The following ZNF215 variants were observed in gnomAD, a reference collection of about 807,000 sequenced individuals.
ZNF215 encodes the protein zinc finger protein 215, also known as BWSCR2-associated zinc finger protein 2.
ZNF215 carries 24 observed loss-of-function variants against 27.2 expected under a neutral mutation model. The ratio of observed to expected loss-of-function variants is 0.88; its 90% CI spans 0.64 to 1.24. The LOEUF is 1.24. ZNF215 is among the 50% of genes most tolerant of loss of function. The pLI, the probability that ZNF215 is intolerant of heterozygous loss-of-function variation, is 0.00. For missense variants in ZNF215, 675 were observed against 605.7 expected (o/e 1.11, Z -1.20); for synonymous variants, 210 against 204.0 (o/e 1.03, Z -0.25).
At chr11:6,954,691 T>G (rs956773467) in intron 6 of ZNF215, among the ~76,000 whole-genome samples, 1 of 152,316 alleles carries the variant, frequency 6.6e-6, no homozygotes, top group Middle Eastern at 3.4e-3. Context: ...GCTTCCCGAG[T>G]GAAGCAATGC....
rs895872602 is a variant in ZNF215, at chr11:6,957,984, C to T, written c.*1453C>T. 2.0e-6 allele frequency: 2 copies of T among 985,318 alleles called. No homozygotes were observed. The highest frequency in any genetic ancestry group is 2.4e-6 in the Non-Finnish European group (2 of 829,910). The allele number at this position is 985,318 out of a possible 1,614,324, so 61.0% of individuals were successfully genotyped here. A position where few individuals can be genotyped will look rare whatever the true frequency, so the allele number is the denominator to read the frequency against. ...GGTAGCTTTTTGTGAAGGTTCATAC[C>T]TTATTCAAAGGCAGAAAAGGTATAC... is the stretch of plus-strand genomic sequence containing the variant. On this transcript the variant is annotated 3_prime_UTR_variant, in exon 7 of 7. Coordinates refer to ENST00000278319, the MANE Select transcript of ZNF215 (RefSeq NM_013250.4).
intron 5 of ZNF215, among the ~76,000 whole-genome samples, chr11:6,982,275 C>T (rs542931691): frequency 1.4e-3 from 220 of 152,040 alleles, no homozygotes; most frequent in Non-Finnish European, 1.3e-3. Context: ...GAGTGACCTA[C>T]AAAGAGACTT....
At chr11:6,939,856 A>G (rs948252389) in intron 3 of ZNF215, among the ~76,000 whole-genome samples, 30 of 152,250 alleles carry the variant, frequency 2.0e-4, no homozygotes, top group Admixed American at 1.4e-3. Context: ...AGAACAAGGA[A>G]CAACATTGTA....
downstream of ZNF215, among the ~76,000 whole-genome samples, chr11:6,960,247 C>G (rs1217992702): frequency 6.6e-6 from 1 of 152,014 alleles, no homozygotes; most frequent in South Asian, 2.1e-4. Context: ...TCTGGAGGGC[C>G]AACTTGACAA....
At chr11:6,954,514 A>G (rs1201099761) in intron 6 of ZNF215, among the ~76,000 whole-genome samples, 10 of 151,780 alleles carry the variant, frequency 6.6e-5, no homozygotes, top group Admixed American at 6.6e-4. Context: ...AGTCAGGGAG[A>G]CTCCGTGGGT....
intron 3 of ZNF215, among the ~76,000 whole-genome samples, chr11:6,933,589 C>A (rs2133163858): frequency 6.6e-6 from 1 of 152,012 alleles, no homozygotes; most frequent in Middle Eastern, 3.4e-3. Flanking sequence ...AGATCGAGAC[C>A]ATCCTGGCTA....
intron 2 of ZNF215, among the ~76,000 whole-genome samples, chr11:6,928,775 T>C (rs928832522): frequency 6.6e-6 from 1 of 152,214 alleles, no homozygotes; most frequent in African/African-American, 2.4e-5. Flanking sequence ...GGGCCCATAG[T>C]TCATTTTTTT....
At chr11:6,936,521 A>T (rs1450563414) in intron 3 of ZNF215, among the ~76,000 whole-genome samples, 1 of 152,092 alleles carries the variant, frequency 6.6e-6, no homozygotes, top group African/African-American at 2.4e-5. Context: ...AAGAAAACTC[A>T]AAGATGATAT....
At chr11:6,985,115 A>G (rs1193093481), downstream of ZNF215, among the ~76,000 whole-genome samples, 1 of 152,162 alleles carries the variant, frequency 6.6e-6, no homozygotes, top group Non-Finnish European at 1.5e-5. Context: ...CTTCAGACCA[A>G]TGTCCCTGAT....
chr11:6,952,689 A>G (rs540600191), intron 6 of ZNF215, among the ~76,000 whole-genome samples: 114 of 152,148 alleles, frequency 7.5e-4, no homozygotes, highest in Middle Eastern at 3.4e-3. Flanking sequence ...TCTTTATCCA[A>G]TTTGCCAGTC....
chr11:6,953,355 G>A (rs564113383), intron 6 of ZNF215, among the ~76,000 whole-genome samples: 15 of 152,228 alleles, frequency 9.9e-5, no homozygotes, highest in South Asian at 2.1e-4. Context: ...CATTTTCCCC[G>A]TCACTTTCAG....
chr11:6,932,267 A>T lies in ZNF215; in HGVS notation c.-6A>T. 6.2e-7 allele frequency: 1 copy of T among 1,611,666 alleles called. No homozygotes were observed. Among genetic ancestry groups the T allele is most frequent in the Non-Finnish European group, 8.5e-7 (1 of 1,178,904 alleles). ...TTGAACTACTGTGGGAGTTCTATTT[A>T]GGAAGATGCAGCCTCTGAGCAAGTT... is the stretch of plus-strand genomic sequence containing the variant. On this transcript the variant is annotated 5_prime_UTR_variant, in exon 3 of 7. Coordinates refer to ENST00000278319, the MANE Select transcript of ZNF215 (RefSeq NM_013250.4).
chr11:6,986,514 A>G (rs1459505737), downstream of ZNF215, among the ~76,000 whole-genome samples: 1 of 152,018 alleles, frequency 6.6e-6, no homozygotes, highest in Non-Finnish European at 1.5e-5. Context: ...CCAAAAACTG[A>G]CAAGTGGAAC....
intron 6 of ZNF215, among the ~76,000 whole-genome samples, chr11:6,949,260 T>A (rs1369041441): frequency 7.8e-4 from 119 of 152,234 alleles, no homozygotes; most frequent in African/African-American, 2.6e-3. Context: ...TTGGGTATAT[T>A]CCCAGTAATG....
At chr11:6,967,800 C>G (rs1443665945) in intron 5 of ZNF215, among the ~76,000 whole-genome samples, 1 of 152,018 alleles carries the variant, frequency 6.6e-6, no homozygotes, top group Non-Finnish European at 1.5e-5. Context: ...AATTAGATCC[C>G]AATTTGTCTA....
In ZNF215 at chr11:6,926,496, C is replaced by T. The variant is rs943727927; in HGVS notation, c.-515C>T. On this transcript the variant is annotated 5_prime_UTR_variant, in exon 1 of 7. Transcript: ENST00000278319. ...GGGTCGCGGGGGCTCCTAGGGGGTT[C>T]CTTCCACAGCTGGTGCGCGTGCGCA... The T allele has an allele frequency of 6.6e-6, 1 of 152,344 alleles. No individual in the cohort carries two copies. The highest frequency in any genetic ancestry group is 1.5e-5 in the Non-Finnish European group (1 of 68,162). 9.4% of individuals were successfully genotyped at this position (152,344 alleles called of 1,614,324 possible). A position where few individuals can be genotyped will look rare whatever the true frequency, so the allele number is the denominator to read the frequency against.
At chr11:6,958,048 T>C (rs1850436362), downstream of ZNF215, 4 of 985,304 alleles carry the variant, frequency 4.1e-6, no homozygotes, top group South Asian at 1.4e-4. Context: ...TCAAAATCTA[T>C]GTTTGTTCAT....
At chr11:6,993,901 C>T (rs1053769883), downstream of ZNF215, among the ~76,000 whole-genome samples, 1 of 152,162 alleles carries the variant, frequency 6.6e-6, no homozygotes, top group Non-Finnish European at 1.5e-5. Flanking sequence ...TGAGGTTGAA[C>T]AAAGCAATGC....
chr11:6,943,555 T>C lies in ZNF215; in HGVS notation c.626T>C (p.Leu209Pro). The stretch of plus-strand genomic sequence containing the variant: ...TTTTCTCCATGAACAGCACATCTAC[T>C]TTCCAAACCATTTGAGAGCCTTAAG... ...NLNSLRKAHL[L>P]SKPFESLKLE... Residue 209 changes from leucine (L) to proline (P), a missense_variant, in exon 6 of 7, where the codon CTT becomes CCT. Leu to Pro is a moderately conservative substitution (Grantham distance 98). Transcript: ENST00000278319. 6.2e-7 allele frequency: 1 copy of C among 1,613,826 alleles called. No homozygotes were observed. The highest frequency in any genetic ancestry group is 8.5e-7 in the Non-Finnish European group (1 of 1,179,856).
Sources: gnomAD v4.1 joint callset for allele counts (sites outside exome capture counted in the v4.1 genomes callset) on GRCh38, gnomAD v4.1.1 for gene constraint, MANE v1.5 for transcripts, NCBI Gene and HGNC (gene_info 2026-07-23, HGNC 2026-07-21) for gene names.